Variants in CCDC91 observed in about 807,000 individuals in gnomAD.
CCDC91 encodes coiled-coil domain containing 91.
A neutral mutation model predicts 63.2 loss-of-function variants in CCDC91; 48 were observed. The ratio of observed to expected loss-of-function variants is 0.76; its 90% CI spans 0.60 to 0.97. The LOEUF (loss-of-function observed/expected upper bound fraction) is 0.97, where lower values mean the gene tolerates loss of function less well. Ranked by LOEUF, CCDC91 falls within the 50% of genes least tolerant of loss-of-function variation. CCDC91 has a pLI of 0.00. For missense variants in CCDC91, 500 were observed against 494.6 expected, an observed-to-expected ratio of 1.01 and a Z score of -0.10; for synonymous variants, 167 against 165.8, an observed-to-expected ratio of 1.01 and a Z score of -0.06.
chr12:28,545,629 T>C (rs1239267233), intron 12 of CCDC91, among the ~76,000 whole-genome samples: 5 of 151,850 alleles, frequency 3.3e-5, no homozygotes, highest in African/African-American at 9.7e-5. Context: ...GGGGAGGGAG[T>C]GGTAAAGATG....
intron 1 of CCDC91, among the ~76,000 whole-genome samples, chr12:28,233,470 T>A (rs1318133535): frequency 1.3e-5 from 2 of 152,136 alleles, no homozygotes; most frequent in African/African-American, 2.4e-5. Context: ...GTGAGAAAAT[T>A]TCTGTGAATG....
chr12:28,211,864 A>G (rs1943254512), intron 1 of CCDC91, among the ~76,000 whole-genome samples: 1 of 152,126 alleles, frequency 6.6e-6, no homozygotes, highest in South Asian at 2.1e-4. Context: ...TATAACCCCT[A>G]CAATATTACA....
chr12:28,211,424 G>C (rs1943225026), intron 1 of CCDC91, among the ~76,000 whole-genome samples: 1 of 152,044 alleles, frequency 6.6e-6, no homozygotes, highest in South Asian at 2.1e-4. Flanking sequence ...AGTCTGCCTA[G>C]CACCCAATAT....
intron 1 of CCDC91, among the ~76,000 whole-genome samples, chr12:28,209,005 A>G (rs2135490175): frequency 6.6e-6 from 1 of 151,632 alleles, no homozygotes; most frequent in East Asian, 1.9e-4. Context: ...ATGAGGTTTC[A>G]CCATGTTAGC....
intron 3 of CCDC91, among the ~76,000 whole-genome samples, chr12:28,264,500 T>C (rs1488754895): frequency 1.3e-5 from 2 of 151,250 alleles, no homozygotes; most frequent in Non-Finnish European, 3.0e-5. Context: ...TCAAAATGAA[T>C]GGCTATCTTC....
chr12:28,408,724 C>T (rs568106957), intron 8 of CCDC91, among the ~76,000 whole-genome samples: 1 of 152,028 alleles, frequency 6.6e-6, no homozygotes, highest in Non-Finnish European at 1.5e-5. Flanking sequence ...CTCACTGCAA[C>T]CTCTGCCTCC....
chr12:28,356,825 A>G (rs1943558923), intron 6 of CCDC91, among the ~76,000 whole-genome samples: 1 of 152,168 alleles, frequency 6.6e-6, no homozygotes, highest in African/African-American at 2.4e-5. Context: ...GCTCTTGACC[A>G]AATAATTTGG....
At chr12:28,448,738 TTTTA>T (rs1443770591) in intron 8 of CCDC91, among the ~76,000 whole-genome samples, 3 of 152,072 alleles carry the variant, frequency 2.0e-5, no homozygotes, top group African/African-American at 7.2e-5. Flanking sequence ...AACATTTTTG[TTTTA>T]TTTGTGTTAT....
At chr12:28,194,647 T>C (rs1367430954) in intron 1 of CCDC91, among the ~76,000 whole-genome samples, 1 of 152,160 alleles carries the variant, frequency 6.6e-6, no homozygotes, top group African/African-American at 2.4e-5. Context: ...TGTTCATTCC[T>C]CCTGGTGGGT....
chr12:28,280,838 A>G (rs1202626664), intron 3 of CCDC91, among the ~76,000 whole-genome samples: 2 of 149,692 alleles, frequency 1.3e-5, no homozygotes, highest in African/African-American at 2.4e-5. Context: ...AAAGCCAGGT[A>G]TGGTGGCATG....
At chr12:28,391,184 A>AT (rs1226711593) in intron 7 of CCDC91, 120 bp from the exon 8 acceptor site, 3 of 542,078 alleles carry the variant, frequency 5.5e-6, no homozygotes, top group Middle Eastern at 4.7e-4. Flanking sequence ...ACAAATACAT[A>AT]TTTTGTAATT....
chr12:28,488,419 C>A (rs1344084217), intron 12 of CCDC91, among the ~76,000 whole-genome samples: 2 of 151,450 alleles, frequency 1.3e-5, no homozygotes, highest in African/African-American at 2.4e-5. Flanking sequence ...ATGAAAATAT[C>A]CAAATAAGGA....
intron 8 of CCDC91, among the ~76,000 whole-genome samples, chr12:28,443,238 C>CA (rs1262273114): frequency 0.1 from 8,497 of 82,102 alleles, 300 homozygotes; most frequent in Admixed American, 0.15. Context: ...GAGTCCTAGG[C>CA]AAAAAAAAAA....
At chr12:28,329,976 T>C (rs1299760136) in intron 6 of CCDC91, among the ~76,000 whole-genome samples, 3 of 152,228 alleles carry the variant, frequency 2.0e-5, no homozygotes, top group Non-Finnish European at 4.4e-5. Context: ...TAGTATTCCA[T>C]GGTGTATATG....
At chr12:28,255,428 T>G (rs1946382849) in intron 1 of CCDC91, 1 of 152,184 alleles carries the variant, frequency 6.6e-6, no homozygotes, top group Non-Finnish European at 1.5e-5. Context: ...CTTGGTTAAT[T>G]CTTGATGTTC....
intron 6 of CCDC91, among the ~76,000 whole-genome samples, chr12:28,314,765 CA>C (rs1939670321): frequency 6.6e-6 from 1 of 151,886 alleles, no homozygotes; most frequent in Non-Finnish European, 1.5e-5. Flanking sequence ...GTTGGTCTTA[CA>C]TGCATTTCTT....
chr12:28,347,950 T>C (rs1942926320), intron 6 of CCDC91, among the ~76,000 whole-genome samples: 1 of 152,300 alleles, frequency 6.6e-6, no homozygotes, highest in South Asian at 2.1e-4. Context: ...GAGCACACAC[T>C]TGTGAAGGCA....
At chr12:28,372,571 T>A in intron 7 of CCDC91, among the ~76,000 whole-genome samples, 1 of 150,314 alleles carries the variant, frequency 6.7e-6, no homozygotes, top group Admixed American at 6.7e-5. Context: ...TTATGTATAT[T>A]CCTGGGTATT....
intron 12 of CCDC91, among the ~76,000 whole-genome samples, chr12:28,531,404 C>T (rs1941719031): frequency 6.6e-6 from 1 of 151,980 alleles, no homozygotes; most frequent in East Asian, 1.9e-4. Context: ...TATATTATTA[C>T]TAATTTTGTT....
Sources: allele counts gnomAD v4.1 joint callset (sites outside exome capture counted in the v4.1 genomes callset), GRCh38; gene constraint gnomAD v4.1.1; transcripts MANE v1.5; gene names NCBI Gene and HGNC (gene_info 2026-07-23, HGNC 2026-07-21).